The following C5 variants were observed in gnomAD, a reference collection of about 807,000 sequenced individuals.
C5 encodes the protein complement C5.
In C5, 140 loss-of-function variants were observed where a neutral mutation model predicts 218.8. The ratio of observed to expected loss-of-function variants is 0.64; its 90% CI spans 0.56 to 0.74. The LOEUF (loss-of-function observed/expected upper bound fraction) is 0.74, where lower values mean the gene tolerates loss of function less well. Among genes scored for constraint, C5 ranks in the 30% least tolerant of loss-of-function variants. The pLI, the probability that C5 is intolerant of heterozygous loss-of-function variation, is 0.00. For synonymous variants in C5, 614 were observed against 682.3 expected, an observed-to-expected ratio of 0.90 and a Z score of 1.56; for missense variants, 1,700 against 1,969.6, an observed-to-expected ratio of 0.86 and a Z score of 2.59.
At chr9:121,049,725 A>C (rs1482390384) in intron 1 of C5, among the ~76,000 whole-genome samples, 1 of 152,204 alleles carries the variant, frequency 6.6e-6, no homozygotes, top group East Asian at 1.9e-4. Flanking sequence ...CAATAATGAC[A>C]CTAAAAATTG....
In C5 at chr9:121,027,229, T is replaced by C. The variant is rs773484235; in HGVS notation, c.804A>G (p.Thr268=). Residue 268 remains threonine (T), a synonymous_variant, in exon 8 of 41, where the codon ACA becomes ACG. Transcript: ENST00000223642. The part of the protein sequence containing the change: ...KVVTEADVYI[T]FGIREDLKDD... ...CTTTTAAGTCTTCTCTTATTCCAAA[T>C]GTGATATAAACGTCAGCCTCAGTGA... 1.9e-6 allele frequency: 3 copies of C among 1,602,420 alleles called. No homozygotes were observed. The highest frequency in any genetic ancestry group is 2.7e-5 in the African/African-American group (2 of 74,756).
chr9:120,974,036 T>C (rs777240193), intron 30 of C5, among the ~76,000 whole-genome samples: 2 of 152,200 alleles, frequency 1.3e-5, no homozygotes, highest in African/African-American at 2.4e-5. Context: ...GTGAAGGATG[T>C]CAACAATGAG....
chr9:121,037,502 G>A (rs2047537882), intron 4 of C5, among the ~76,000 whole-genome samples: 1 of 151,916 alleles, frequency 6.6e-6, no homozygotes, highest in South Asian at 2.1e-4. Context: ...TAGTAGAGAT[G>A]AGGTTTCACT....
At position 120,984,714 on chromosome 9, in the gene C5, CTTTTT is replaced by C. The variant is rs149222003; in HGVS notation, c.3231-1905_3231-1901del. ...AGTATTCAATAGGTATAAGCTCTTA[CTTTTT>C]TTTTTTTTTTTTTTTTTTTTCAGAC... is the stretch of plus-strand genomic sequence containing the variant. On this transcript the variant is annotated intron_variant, in intron 25 of 40. Transcript: ENST00000223642. Among the ~76,000 whole-genome samples the C allele has an allele frequency of 8.0e-3, 555 of 69,202 alleles. 4 individuals are homozygous for C. Among genetic ancestry groups the C allele is most frequent in the Non-Finnish European group, 0.011 (449 of 40,150 alleles). 45.4% of individuals were successfully genotyped at this position (69,202 alleles called of 152,430 possible). A position where few individuals can be genotyped will look rare whatever the true frequency, so the allele number is the denominator to read the frequency against.
intron 4 of C5, among the ~76,000 whole-genome samples, chr9:121,035,557 G>A (rs921282229): frequency 6.6e-6 from 1 of 152,018 alleles, no homozygotes; most frequent in Admixed American, 6.6e-5. Context: ...CAACATAAGT[G>A]AGGCCCCTAT....
At chr9:121,043,888 C>G (rs1451580821) in intron 2 of C5, among the ~76,000 whole-genome samples, 1 of 151,920 alleles carries the variant, frequency 6.6e-6, no homozygotes. Context: ...TCACATATTT[C>G]TGCTCCCCTG....
At chr9:120,998,663 T>G (rs990099647) in intron 20 of C5, among the ~76,000 whole-genome samples, 1 of 152,214 alleles carries the variant, frequency 6.6e-6, no homozygotes, top group Admixed American at 6.5e-5. Flanking sequence ...TTGGCATTCC[T>G]CTTATTAACT....
At chr9:121,055,623 T>A in the C5 span, among the ~76,000 whole-genome samples, 1 of 152,220 alleles carries the variant, frequency 6.6e-6, no homozygotes, top group Non-Finnish European at 1.5e-5. Flanking sequence ...TCTAGGCCCA[T>A]CCTGGGTCAG....
At chr9:121,019,750 T>C (rs2131768696) in intron 12 of C5, among the ~76,000 whole-genome samples, 1 of 152,348 alleles carries the variant, frequency 6.6e-6, no homozygotes, top group South Asian at 2.1e-4. Context: ...GTAACCATCA[T>C]AAGTCTTTTA....
At chr9:120,966,942 T>C (rs377419184) in intron 33 of C5, among the ~76,000 whole-genome samples, 8 of 151,992 alleles carry the variant, frequency 5.3e-5, no homozygotes, top group African/African-American at 1.9e-4. Context: ...TTGGGATTAG[T>C]GGTCTTAGAT....
At chr9:121,025,851 T>C (rs2047417248) in intron 8 of C5, 1 of 350,796 alleles carries the variant, frequency 2.9e-6, no homozygotes, top group African/African-American at 2.1e-5. Flanking sequence ...CTTCTTCCAA[T>C]TCCTGCGTCA....
At chr9:121,063,708 C>G in the C5 span, among the ~76,000 whole-genome samples, 1 of 152,096 alleles carries the variant, frequency 6.6e-6, no homozygotes, top group Non-Finnish European at 1.5e-5. Context: ...TATTTTTATG[C>G]TGTAGTGGCA....
rs145815138 is a variant in C5 at position 121,005,937 on chromosome 9, A to G, written c.2544T>C (p.Tyr848=). The change falls in exon 20 of 41, where the codon TAT becomes TAC. Residue 848 remains tyrosine (Y), a synonymous_variant. Transcript: ENST00000223642. ...TACTTACCTGCATCCCAGAAGTCCT[A>G]TAGTTGTAAACAGTTCCTTTCAATT... The part of the protein sequence containing the change: ...QIQLKGTVYN[Y]RTSGMQFCVK... 1.9e-6 allele frequency: 3 copies of G among 1,613,500 alleles called. No individual in the cohort carries two copies. Among genetic ancestry groups the G allele is most frequent in the African/African-American group, 1.3e-5 (1 of 74,922 alleles).
the C5 span, among the ~76,000 whole-genome samples, chr9:121,072,393 C>A: frequency 6.6e-6 from 1 of 152,160 alleles, no homozygotes; most frequent in African/African-American, 2.4e-5. Flanking sequence ...CGCAATAAAT[C>A]TAAGTTTCTG....
At chr9:121,057,543 T>G in the C5 span, among the ~76,000 whole-genome samples, 3 of 152,132 alleles carry the variant, frequency 2.0e-5, no homozygotes, top group African/African-American at 7.2e-5. Flanking sequence ...TGATAATAGT[T>G]AAGTTGTTAT....
At chr9:121,002,152 GTATAGATATGTACATATA>G (rs1192232237) in intron 20 of C5, among the ~76,000 whole-genome samples, 1 of 146,712 alleles carries the variant, frequency 6.8e-6, no homozygotes, top group Non-Finnish European at 1.5e-5. Context: ...ATGTATATAT[GTATAGATATGTACATATA>G]TGTATATATG....
At position 120,982,649 on chromosome 9, in the gene C5, C is replaced by T; in HGVS notation, c.3390+6G>A. The T allele has an allele frequency of 2.5e-6, 4 of 1,598,336 alleles. No homozygotes were observed. The highest frequency in any genetic ancestry group is 3.4e-6 in the Non-Finnish European group (4 of 1,166,490). On this transcript the variant is annotated splice_donor_region_variant and intron_variant, in intron 26 of 40. Coordinates refer to ENST00000223642, the MANE Select transcript of C5 (RefSeq NM_001735.3). Reference sequence around the variant, plus strand: ...TATTGCTAATTTGTGCATTTGGTTTCCTTACCTGTAATTTTATTGGTTGAT... The same window carrying T: ...TATTGCTAATTTGTGCATTTGGTTTTCTTACCTGTAATTTTATTGGTTGAT...
Position 120,997,532 on chromosome 9 carries a change from G to A in C5, c.2790+15C>T. The A allele has an allele frequency of 6.5e-7, 1 of 1,544,706 alleles. No individual in the cohort carries two copies. The highest frequency in any genetic ancestry group is 8.9e-7 in the Non-Finnish European group (1 of 1,117,532). On this transcript the variant is annotated intron_variant, in intron 21 of 40. Transcript: ENST00000223642. Reference sequence around the variant, plus strand: ...AATAATTTAAGCATAAGTTATTGAAGCATGTTTTTCTTACCACCACTCGTA... The same window carrying A: ...AATAATTTAAGCATAAGTTATTGAAACATGTTTTTCTTACCACCACTCGTA...
chr9:121,004,492 G>A (rs1467227941), intron 20 of C5, among the ~76,000 whole-genome samples: 1 of 152,170 alleles, frequency 6.6e-6, no homozygotes, highest in East Asian at 1.9e-4. Context: ...GCTTATTCGA[G>A]CCCAGGAGCA....
Sources: allele counts gnomAD v4.1 joint callset (sites outside exome capture counted in the v4.1 genomes callset), GRCh38; gene constraint gnomAD v4.1.1; transcripts MANE v1.5; gene names NCBI Gene and HGNC (gene_info 2026-07-23, HGNC 2026-07-21).